Variants in EHD4 observed in about 807,000 individuals in gnomAD.
EHD4 encodes the protein EH domain containing 4, also known as EH domain-containing protein 4.
A neutral mutation model predicts 51.0 loss-of-function variants in EHD4; 37 were observed. That is an observed-to-expected ratio of 0.73 (90% CI 0.56 to 0.95). The LOEUF is 0.95. EHD4 is among the 40% of genes least tolerant of loss of function. The probability of loss-of-function intolerance (pLI) is 0.00; values close to 1 mark genes in which losing one functional copy is unlikely to be tolerated. For missense variants in EHD4, 632 were observed against 733.1 expected (o/e 0.86, Z 1.59); for synonymous variants, 297 against 317.3 (o/e 0.94, Z 0.68).
chr15:41,922,592 C>T (rs1199254062), intron 3 of EHD4, among the ~76,000 whole-genome samples: 1 of 152,184 alleles, frequency 6.6e-6, no homozygotes, highest in East Asian at 1.9e-4. Context: ...GTCTCTCTTC[C>T]TCCCAGGGCC....
Position 41,943,077 on chromosome 15 carries a change from G to A in EHD4, c.501C>T (p.Arg167=). The part of the protein sequence containing the change: ...SPGILSGEKQ[R]ISRGYDFCQV... ...GGGACAGGCACTGACCTCGGCTGAT[G>A]CGCTGCTTCTCCCCAGAAAGGATGC... Residue 167 remains arginine (R), a synonymous_variant, in exon 3 of 6, where the codon CGC becomes CGT. Transcript: ENST00000220325. 5.7e-6 allele frequency: 9 copies of A among 1,576,780 alleles called. No individual in the cohort carries two copies. Among genetic ancestry groups the A allele is most frequent in the Non-Finnish European group, 7.8e-6 (9 of 1,160,862 alleles).
At chr15:41,912,066 C>T (rs1026102771) in intron 4 of EHD4, among the ~76,000 whole-genome samples, 10 of 152,318 alleles carry the variant, frequency 6.6e-5, no homozygotes, top group East Asian at 1.9e-4. Flanking sequence ...CCTGATCCCT[C>T]GTCTCAGGCC....
intron 2 of EHD4, 25 bp from the exon 3 acceptor site, chr15:41,943,189 G>A: frequency 6.5e-7 from 1 of 1,549,620 alleles, no homozygotes; most frequent in South Asian, 1.2e-5. Context: ...TCAAAGGAGG[G>A]GTCAGAAACT....
At chr15:41,922,618 T>C (rs991167251) in intron 3 of EHD4, among the ~76,000 whole-genome samples, 1 of 152,210 alleles carries the variant, frequency 6.6e-6, no homozygotes, top group Non-Finnish European at 1.5e-5. Flanking sequence ...GGTTGAATGG[T>C]TACCTTTGAT....
At chr15:41,942,615 T>C (rs770413463) in intron 3 of EHD4, 18 of 162,784 alleles carry the variant, frequency 1.1e-4, no homozygotes, top group Non-Finnish European at 2.0e-4. Flanking sequence ...TTGTGAAGGC[T>C]GGAGAAACTT....
At chr15:41,938,171 G>C (rs1340988897) in intron 3 of EHD4, among the ~76,000 whole-genome samples, 3 of 152,144 alleles carry the variant, frequency 2.0e-5, no homozygotes, top group Non-Finnish European at 4.4e-5. Context: ...GAGGATTTTG[G>C]ATTTTGAATT....
At chr15:41,939,121 T>C (rs1030723038) in intron 3 of EHD4, among the ~76,000 whole-genome samples, 2 of 152,222 alleles carry the variant, frequency 1.3e-5, no homozygotes, top group African/African-American at 4.8e-5. Flanking sequence ...ACAAAGGATG[T>C]TCTGAAGAGT....
At chr15:41,912,032 A>T (rs1229496241) in intron 4 of EHD4, among the ~76,000 whole-genome samples, 5 of 152,036 alleles carry the variant, frequency 3.3e-5, no homozygotes, top group Non-Finnish European at 7.4e-5. Context: ...TGCACCTGCC[A>T]CACCCTTCAC....
intron 2 of EHD4, among the ~76,000 whole-genome samples, chr15:41,952,764 T>C (rs972384104): frequency 6.6e-6 from 1 of 151,202 alleles, no homozygotes; most frequent in East Asian, 1.9e-4. Context: ...GCGAGGCGGG[T>C]GGATCACCTG....
Position 41,946,070 on chromosome 15 carries a change from G to A in EHD4, c.414-2906C>T, listed in dbSNP as rs187743669. 3.3e-5 allele frequency among the ~76,000 whole-genome samples: 5 copies of A among 152,342 alleles called. No homozygotes were observed. The East Asian group carries it at 7.7e-4, about 24-fold the overall frequency. ...GACACCCAGTAAGGGGGCCCTGGCC[G>A]GCCCAGCTTATTGAAATGCTTCCAA... On this transcript the variant is annotated intron_variant, in intron 2 of 5. Coordinates refer to ENST00000220325, the MANE Select transcript of EHD4 (RefSeq NM_139265.4).
chr15:41,938,267 A>G (rs184640649), intron 3 of EHD4, among the ~76,000 whole-genome samples: 43 of 152,284 alleles, frequency 2.8e-4, no homozygotes, highest in Non-Finnish European at 2.9e-4. Flanking sequence ...TCCTGTTTAT[A>G]TCACTACCCA....
At chr15:41,968,572 G>C (rs1375768156) in intron 1 of EHD4, among the ~76,000 whole-genome samples, 1 of 150,778 alleles carries the variant, frequency 6.6e-6, no homozygotes. Flanking sequence ...TTACAGGTGT[G>C]AGCCACTGCA....
chr15:41,901,959 A>G (rs2067480466), intron 5 of EHD4, among the ~76,000 whole-genome samples: 1 of 152,178 alleles, frequency 6.6e-6, no homozygotes, highest in African/African-American at 2.4e-5. Context: ...CAAATAAGCA[A>G]AAGCTGGAAC....
rs775285053 is a variant in EHD4 at position 41,901,065 on chromosome 15, C to T, written c.1206G>A (p.Gln402=). 1.2e-6 allele frequency: 2 copies of T among 1,613,192 alleles called. No individual in the cohort carries two copies. Among genetic ancestry groups the T allele is most frequent in the East Asian group, 2.2e-5 (1 of 44,870 alleles). The change falls in exon 6 of 6, where the codon CAG becomes CAA. Residue 402 remains glutamine (Q), a synonymous_variant. Coordinates refer to ENST00000220325, the MANE Select transcript of EHD4 (RefSeq NM_139265.4). ...GCTGCGTGGGCGTGCTCGTCTCCTC[C>T]TGGCTGATGAGGTTCATGAGGGGCG... ...KISPLMNLIS[Q]EETSTPTQLV...
chr15:41,923,407 A>T (rs895985067), intron 3 of EHD4, among the ~76,000 whole-genome samples: 2 of 152,186 alleles, frequency 1.3e-5, no homozygotes, highest in Admixed American at 6.6e-5. Flanking sequence ...ATCCCAGCGG[A>T]TCTAACTCCC....
At chr15:41,962,597 G>C (rs1366764126) in intron 1 of EHD4, among the ~76,000 whole-genome samples, 3 of 151,388 alleles carry the variant, frequency 2.0e-5, no homozygotes, top group Non-Finnish European at 4.4e-5. Context: ...TTCCAGGTGG[G>C]TTAAAAAGTT....
intron 2 of EHD4, among the ~76,000 whole-genome samples, chr15:41,953,521 T>A (rs28634033): frequency 0.14 from 21,239 of 152,216 alleles, 1,982 homozygotes; most frequent in Middle Eastern, 0.24. Flanking sequence ...CCTGGCCCTG[T>A]GCAGCCTTAT....
intron 5 of EHD4, among the ~76,000 whole-genome samples, chr15:41,903,453 T>TACATACACAC (rs377413356): frequency 3.5e-5 from 5 of 144,384 alleles, no homozygotes; most frequent in Non-Finnish European, 6.1e-5. Context: ...TTAACATACA[T>TACATACACAC]ACACACACAC....
At chr15:41,942,372 G>A (rs2067778798) in intron 3 of EHD4, 1 of 152,058 alleles carries the variant, frequency 6.6e-6, no homozygotes, top group Non-Finnish European at 1.5e-5. Flanking sequence ...AGCCTTCCGA[G>A]TAGCTGGGAC....
Sources: allele counts gnomAD v4.1 joint callset (sites outside exome capture counted in the v4.1 genomes callset), GRCh38; gene constraint gnomAD v4.1.1; transcripts MANE v1.5; gene names NCBI Gene and HGNC (gene_info 2026-07-23, HGNC 2026-07-21).